Variants in APEH observed in about 807,000 individuals in gnomAD.
APEH encodes acylamino-acid-releasing enzyme.
A neutral mutation model predicts 102.7 loss-of-function variants in APEH; 75 were observed. That is an observed-to-expected ratio of 0.73 (90% CI 0.61 to 0.89). The LOEUF is 0.89. Among genes scored for constraint, APEH ranks in the 40% least tolerant of loss-of-function variants. The pLI is 0.00. For synonymous variants in APEH, 344 were observed against 362.7 expected (o/e 0.95, Z 0.59); for missense variants, 863 against 941.2 (o/e 0.92, Z 1.09).
Position 49,674,715 on chromosome 3 carries a change from A to G in APEH, c.145+94A>G, listed in dbSNP as rs550010000. ...AGGGCTCGCTGCTTGACAGTGCGTA[A>G]GGGTATATAGGGAGCCGGCCTGGAC... is the stretch of plus-strand genomic sequence containing the variant. On this transcript the variant is annotated intron_variant, in intron 2 of 21. Transcript: ENST00000296456. 5 of 1,474,478 alleles carry G rather than the reference A, an allele frequency of 3.4e-6. No individual in the cohort carries two copies. In the Admixed American group the frequency reaches 1.0e-4, roughly 30 times the overall value. 91.3% of individuals were successfully genotyped at this position (1,474,478 alleles called of 1,614,324 possible).
At position 49,681,877 on chromosome 3, in the gene APEH, C is replaced by T; in HGVS notation, c.1523-10C>T. The T allele has an allele frequency of 6.2e-7, 1 of 1,613,816 alleles. No individual in the cohort carries two copies. Among genetic ancestry groups the T allele is most frequent in the South Asian group, 1.1e-5 (1 of 91,084 alleles). ...AGCTGGCCCTTTCACCCTCCGCTCC[C>T]TGTCTGCAGGGGGGCCCCATTCATC... On this transcript the variant is annotated splice_polypyrimidine_tract_variant and intron_variant, in intron 16 of 21. Coordinates refer to ENST00000296456, the MANE Select transcript of APEH (RefSeq NM_001640.4).
At position 49,675,328 on chromosome 3, in the gene APEH, G is replaced by T; in HGVS notation, c.272+19G>T. On this transcript the variant is annotated intron_variant, in intron 3 of 21. Transcript: ENST00000296456. ...GGGGGGAGTAAGTTTGAGGGAGGAA[G>T]CTTGTGGGCAAGGCCACAGCCGTCC... 1 of 1,612,976 alleles carries T rather than the reference G, an allele frequency of 6.2e-7. No homozygotes were observed. The highest frequency in any genetic ancestry group is 8.5e-7 in the Non-Finnish European group (1 of 1,179,560).
In APEH at chr3:49,675,782, C is replaced by T. The variant is rs2053011764; in HGVS notation, c.361C>T (p.Leu121=). 1.2e-6 allele frequency: 2 copies of T among 1,613,866 alleles called. No homozygotes were observed. The change falls in exon 4 of 22, where the codon CTG becomes TTG. Residue 121 remains leucine, a synonymous_variant. Transcript: ENST00000296456. ...GTGPGEEKQF[L]EVWEKNRKLK... ...GGGCCCTGGGGAAGAGAAGCAGTTC[C>T]TGGAGGTGAGTCTGCATGGGACCAG...
chr3:49,682,605 G>T lies in APEH; in HGVS notation c.1752G>T (p.Met584Ile). The T allele has an allele frequency of 6.2e-7, 1 of 1,614,130 alleles. No individual in the cohort carries two copies. The highest frequency in any genetic ancestry group is 1.1e-5 in the South Asian group (1 of 91,092). Residue 584 changes from methionine to isoleucine, a missense_variant, in exon 19 of 22, where the codon ATG (methionine) becomes ATT (isoleucine). Physicochemically the swap from Met to Ile is conservative, Grantham distance 10 (BLOSUM62 1). Coordinates refer to ENST00000296456, the MANE Select transcript of APEH (RefSeq NM_001640.4). ...TTGATGCAAGCCATGTGGCCCTTAT[G>T]GGTGGTTCCCATGGTGGCTTCATTT... Reference protein sequence around the residue: ...EHFDASHVALMGGSHGGFISC... With the variant: ...EHFDASHVALIGGSHGGFISC...
intron 17 of APEH, 125 bp from the exon 18 acceptor site, chr3:49,682,223 C>A: frequency 9.3e-7 from 1 of 1,073,288 alleles, no homozygotes; most frequent in Non-Finnish European, 1.4e-6. Flanking sequence ...AGTCCCTTCC[C>A]CTTGACCCCT....
chr3:49,673,926 A>G (rs2052889025), upstream of APEH: 1 of 183,920 alleles, frequency 5.4e-6, no homozygotes, highest in South Asian at 1.0e-4. Context: ...CATTGGTCCC[A>G]TTCCCCTCGG....
Position 49,681,084 on chromosome 3 carries a change from T to C in APEH, c.1300-17T>C, listed in dbSNP as rs1393027007. The C allele has an allele frequency of 3.8e-6, 6 of 1,563,280 alleles. No individual in the cohort carries two copies. Among genetic ancestry groups the C allele is most frequent in the Non-Finnish European group, 4.3e-6 (5 of 1,152,916 alleles). ...AGGCAGCCAGGCCACCTATGACACA[T>C]TCTTTCCCCTTGGCAGAAAGTTGGG... On this transcript the variant is annotated splice_polypyrimidine_tract_variant and intron_variant, in intron 14 of 21. Coordinates refer to ENST00000296456, the MANE Select transcript of APEH (RefSeq NM_001640.4).
chr3:49,674,336 GC>G, upstream of APEH: 1 of 1,520,906 alleles, frequency 6.6e-7, no homozygotes. Flanking sequence ...CCCAGGCTCC[GC>G]CCCCGGAAGC....
chr3:49,683,498 C>T lies in APEH; in HGVS notation c.*156C>T, dbSNP rs1476002111. On this transcript the variant is annotated 3_prime_UTR_variant, in exon 22 of 22. Coordinates refer to ENST00000296456, the MANE Select transcript of APEH (RefSeq NM_001640.4). ...GCTATGTAGTCATAATAAATTAGGACACAGAGCCTGGTTCCTGCTGGTACT... is the reference window on the plus strand; with the variant it reads ...GCTATGTAGTCATAATAAATTAGGATACAGAGCCTGGTTCCTGCTGGTACT... The T allele has an allele frequency of 2.4e-5, 16 of 655,354 alleles. No individual in the cohort carries two copies. The highest frequency in any genetic ancestry group is 4.2e-5 in the Non-Finnish European group (16 of 378,678). The allele number at this position is 655,354 out of a possible 1,614,324, so 40.6% of individuals were successfully genotyped here. A position where few individuals can be genotyped will look rare whatever the true frequency, so the allele number is the denominator to read the frequency against.
upstream of APEH, chr3:49,674,231 A>G: frequency 4.7e-6 from 4 of 856,164 alleles, no homozygotes; most frequent in Non-Finnish European, 6.9e-6. Flanking sequence ...TCTCACCGTC[A>G]AGGCCCGCCC....
chr3:49,674,055 G>C (rs1423703506), upstream of APEH: 1 of 421,992 alleles, frequency 2.4e-6, no homozygotes. Context: ...GGGCTCCCGG[G>C]TTCCGCTTCC....
At chr3:49,682,457 T>C in intron 18 of APEH, 21 bp downstream of exon 18, 1 of 1,612,938 alleles carries the variant, frequency 6.2e-7, no homozygotes, top group Non-Finnish European at 8.5e-7. Flanking sequence ...CTGGGGCTTC[T>C]GGACAGGCTG....
In APEH at chr3:49,676,813, G is replaced by T. The variant is rs751215947; in HGVS notation, c.873G>T (p.Lys291Asn). The change falls in exon 9 of 22, where the codon AAG (lysine) becomes AAT (asparagine). Residue 291 changes from lysine (K) to asparagine (N), a missense_variant. Physicochemically the swap from Lys to Asn is moderately conservative, Grantham distance 94. Transcript: ENST00000296456. ...ALYYVDLIGG[K>N]CELLSDDSLA... ...ATTATGTGGACCTCATCGGGGGGAA[G>T]TGTGGTAAGTGGCTGATGCCCACCT... 7 of 1,614,148 alleles carry T rather than the reference G, an allele frequency of 4.3e-6. No homozygotes were observed. In the East Asian group the frequency reaches 1.6e-4, roughly 36 times the overall value.
intron 10 of APEH, 129 bp downstream of exon 10, chr3:49,677,153 G>C: frequency 1.5e-6 from 2 of 1,346,252 alleles, no homozygotes; most frequent in East Asian, 2.3e-5. Context: ...ATGCAGCAGC[G>C]GTGTGAGTTC....
chr3:49,682,385 C>T lies in APEH; in HGVS notation c.1641C>T (p.Ser547=). Residue 547 remains serine (S), a synonymous_variant, in exon 18 of 22, where the codon AGC becomes AGT. Transcript: ENST00000296456. ...GCTCCACGGGCTTTGGCCAGGACAG[C>T]ATCCTCTCCCTCCCAGGCAATGTGG... is the stretch of plus-strand genomic sequence containing the variant. ...YRGSTGFGQD[S]ILSLPGNVGH... The T allele has an allele frequency of 6.2e-7, 1 of 1,614,010 alleles. No individual in the cohort carries two copies. Among genetic ancestry groups the T allele is most frequent in the Non-Finnish European group, 8.5e-7 (1 of 1,179,930 alleles).
At chr3:49,673,551 CTGA>C (rs1314470798), upstream of APEH, among the ~76,000 whole-genome samples, 1 of 152,262 alleles carries the variant, frequency 6.6e-6, no homozygotes, top group East Asian at 1.9e-4. Context: ...GGCCTGGCGA[CTGA>C]TAAGTCCGGG....
intron 14 of APEH, 62 bp from the exon 15 acceptor site, chr3:49,681,039 G>A (rs376496284): frequency 1.6e-5 from 24 of 1,512,528 alleles, no homozygotes; most frequent in East Asian, 7.0e-5. Flanking sequence ...TCCCACTGTG[G>A]GCAGAAGGGA....
intron 7 of APEH, 28 bp from the exon 8 acceptor site, chr3:49,676,581 C>G (rs1165142792): frequency 6.2e-7 from 1 of 1,614,238 alleles, no homozygotes; most frequent in Admixed American, 1.7e-5. Flanking sequence ...ACCCCTTGCT[C>G]ACTCCTGCCC....
Position 49,683,091 on chromosome 3 carries a change from T to C in APEH, c.2038T>C (p.Phe680Leu). 2 of 1,614,038 alleles carry C rather than the reference T, an allele frequency of 1.2e-6. No individual in the cohort carries two copies. Among genetic ancestry groups the C allele is most frequent in the Non-Finnish European group, 1.7e-6 (2 of 1,180,024 alleles). Residue 680 changes from phenylalanine to leucine, a missense_variant, in exon 21 of 22, where the codon TTC becomes CTC. By Grantham distance (22) the Phe-to-Leu change is conservative (BLOSUM62 0). Transcript: ENST00000296456. ...MLGQEDRRVPFKQGMEYYRAL... is the reference protein window; with the variant it reads ...MLGQEDRRVPLKQGMEYYRAL... ...GGGCCAGGAGGACCGGCGTGTGCCC[T>C]TCAAGCAGGGCATGGAGTATTACCG...
Sources: gnomAD v4.1 joint callset for allele counts (sites outside exome capture counted in the v4.1 genomes callset) on GRCh38, gnomAD v4.1.1 for gene constraint, MANE v1.5 for transcripts, NCBI Gene and HGNC (gene_info 2026-07-23, HGNC 2026-07-21) for gene names.